The following PLEKHB2 variants were observed in gnomAD, a reference collection of about 807,000 sequenced individuals.
The protein encoded by PLEKHB2 is pleckstrin homology domain-containing family B member 2.
In PLEKHB2, 31 loss-of-function variants were observed where a neutral mutation model predicts 36.5. That is an observed-to-expected ratio of 0.85 (90% CI 0.64 to 1.15). PLEKHB2 has a LOEUF of 1.15. Among genes scored for constraint, PLEKHB2 ranks in the 50% most tolerant of loss-of-function variants. The probability of loss-of-function intolerance (pLI) is 0.00; values close to 1 mark genes in which losing one functional copy is unlikely to be tolerated. For missense variants in PLEKHB2, 262 were observed against 295.3 expected, an observed-to-expected ratio of 0.89 and a Z score of 0.83; for synonymous variants, 119 against 112.0, an observed-to-expected ratio of 1.06 and a Z score of -0.39.
intron 7 of PLEKHB2, among the ~76,000 whole-genome samples, 176 bp from the exon 8 acceptor site, chr2:131,146,461 C>T (rs1205857867): frequency 6.6e-6 from 1 of 152,104 alleles, no homozygotes; most frequent in Non-Finnish European, 1.5e-5. Flanking sequence ...TGGTTTCCTC[C>T]CAGTGTGCGG....
intron 6 of PLEKHB2, among the ~76,000 whole-genome samples, chr2:131,134,245 G>C (rs1698012317): frequency 6.6e-6 from 1 of 151,946 alleles, no homozygotes; most frequent in African/African-American, 2.4e-5. Flanking sequence ...GGAGTGCAGT[G>C]GCACGATCTC....
chr2:131,109,604 C>T (rs1429060300), intron 1 of PLEKHB2, among the ~76,000 whole-genome samples: 2 of 151,348 alleles, frequency 1.3e-5, no homozygotes, highest in Non-Finnish European at 2.9e-5. Flanking sequence ...GCAGGAGAAT[C>T]GCTTGAACCT....
chr2:131,120,664 G>A, intron 1 of PLEKHB2: 2 of 522,422 alleles, frequency 3.8e-6, no homozygotes. Flanking sequence ...CCCTGGGGCT[G>A]CTTTATGTTT....
At chr2:131,137,585 T>C (rs1168454242) in intron 6 of PLEKHB2, among the ~76,000 whole-genome samples, 1 of 152,246 alleles carries the variant, frequency 6.6e-6, no homozygotes, top group East Asian at 1.9e-4. Flanking sequence ...TTGTGATGTC[T>C]GCAGAGTCTA....
intron 5 of PLEKHB2, among the ~76,000 whole-genome samples, chr2:131,131,592 A>G (rs1480309781): frequency 6.6e-6 from 1 of 152,180 alleles, no homozygotes; most frequent in Non-Finnish European, 1.5e-5. Context: ...CTGTAAGAAA[A>G]GAAGAAGGTG....
rs1699359892 is a variant in PLEKHB2 at position 131,147,162 on chromosome 2, T to C, written c.*389T>C. On this transcript the variant is annotated 3_prime_UTR_variant, in exon 8 of 8. Coordinates refer to ENST00000693505, the MANE Select transcript of PLEKHB2 (RefSeq NM_001100623.2). ...ATTGAGTGATTGTGGCAAGAAAAGC[T>C]ACAGCTTCTTTGCGTTTAACTTTTT... 6.5e-6 allele frequency: 1 copy of C among 154,646 alleles called. No individual in the cohort carries two copies. The highest frequency in any genetic ancestry group is 1.4e-5 in the Non-Finnish European group (1 of 69,732). 9.6% of individuals were successfully genotyped at this position (154,646 alleles called of 1,614,324 possible). A position where few individuals can be genotyped will look rare whatever the true frequency, so the allele number is the denominator to read the frequency against.
In PLEKHB2 at chr2:131,142,266, A is replaced by C. The variant is rs1698864693; in HGVS notation, c.532+1991A>C. ...TCAATGTTATAATGAAACTACATTA[A>C]ATGAAACAGTGTTATTTGAGGACCT... is the stretch of plus-strand genomic sequence containing the variant. On this transcript the variant is annotated intron_variant, in intron 7 of 7. Transcript: ENST00000693505. Among the ~76,000 whole-genome samples, 5 of 152,360 alleles carry C rather than the reference A, an allele frequency of 3.3e-5. No homozygotes were observed. The South Asian group carries it at 1.0e-3, about 32-fold the overall frequency.
Position 131,132,228 on chromosome 2 carries a change from CTT to C in PLEKHB2, c.334-673_334-672del, listed in dbSNP as rs954473984. Among the ~76,000 whole-genome samples the C allele has an allele frequency of 7.2e-5, 11 of 152,022 alleles. No homozygotes were observed. The East Asian group carries it at 1.2e-3, about 16-fold the overall frequency. On this transcript the variant is annotated intron_variant, in intron 5 of 7. Transcript: ENST00000693505. The stretch of plus-strand genomic sequence containing the variant: ...TTTGTTTTTTAAGGTAAAAAACAGA[CTT>C]ATGTATAGGACATATCTCTTGATAC...
intron 1 of PLEKHB2, among the ~76,000 whole-genome samples, chr2:131,117,465 A>G (rs1174870650): frequency 6.6e-6 from 1 of 152,194 alleles, no homozygotes; most frequent in Non-Finnish European, 1.5e-5. Context: ...ACAGAAGTTC[A>G]GGAGACTCCT....
chr2:131,119,410 G>A (rs893159844), intron 1 of PLEKHB2, among the ~76,000 whole-genome samples: 23 of 152,214 alleles, frequency 1.5e-4, no homozygotes, highest in African/African-American at 5.5e-4. Flanking sequence ...CCTCCCAGGA[G>A]GCAGCCTGCA....
intron 2 of PLEKHB2, among the ~76,000 whole-genome samples, chr2:131,122,486 C>T (rs953842911): frequency 3.9e-5 from 6 of 152,138 alleles, no homozygotes; most frequent in South Asian, 2.1e-4. Context: ...CTATTGTTTA[C>T]GAATTGTTTG....
At chr2:131,146,543 C>T (rs1699301042) in intron 7 of PLEKHB2, 94 bp from the exon 8 acceptor site, 1 of 1,322,692 alleles carries the variant, frequency 7.6e-7, no homozygotes, top group Non-Finnish European at 1.0e-6. Context: ...CAGGAGACAG[C>T]AGATCCCTTT....
chr2:131,138,904 G>A (rs1304215100), intron 6 of PLEKHB2, among the ~76,000 whole-genome samples: 1 of 152,128 alleles, frequency 6.6e-6, no homozygotes, highest in African/African-American at 2.4e-5. Context: ...TCCATCTGGT[G>A]GGGAAGAAAT....
intron 7 of PLEKHB2, chr2:131,144,549 A>C (rs1699096543): frequency 4.5e-6 from 2 of 448,530 alleles, no homozygotes; most frequent in African/African-American, 4.0e-5. Flanking sequence ...GTAATTTGTA[A>C]AAGTAACCTT....
intron 1 of PLEKHB2, among the ~76,000 whole-genome samples, chr2:131,115,397 A>G (rs1369127471): frequency 1.7e-5 from 2 of 115,364 alleles, no homozygotes; most frequent in Non-Finnish European, 3.2e-5. Flanking sequence ...CTCTTTTGCC[A>G]GGCTAGAGTG....
chr2:131,141,735 A>G (rs1233091367), intron 7 of PLEKHB2, among the ~76,000 whole-genome samples: 1 of 152,190 alleles, frequency 6.6e-6, no homozygotes, highest in Non-Finnish European at 1.5e-5. Flanking sequence ...AATTACAGTA[A>G]GTCCTCACTT....
At position 131,146,972 on chromosome 2, in the gene PLEKHB2, A is replaced by C; in HGVS notation, c.*199A>C. 2 of 430,850 alleles carry C rather than the reference A, an allele frequency of 4.6e-6. No individual in the cohort carries two copies. Among genetic ancestry groups the C allele is most frequent in the South Asian group, 5.8e-5 (1 of 17,120 alleles). 26.7% of individuals were successfully genotyped at this position (430,850 alleles called of 1,614,324 possible). A position where few individuals can be genotyped will look rare whatever the true frequency, so the allele number is the denominator to read the frequency against. The stretch of plus-strand genomic sequence containing the variant: ...ACTGTGCTATTTTGTTCAAATGTTG[A>C]CTCTCCGGGGGCACTGGCTCATTCC... On this transcript the variant is annotated 3_prime_UTR_variant, in exon 8 of 8. Transcript: ENST00000693505.
chr2:131,128,501 T>G (rs951341405), intron 4 of PLEKHB2, among the ~76,000 whole-genome samples: 15 of 152,224 alleles, frequency 9.9e-5, no homozygotes, highest in African/African-American at 3.6e-4. Flanking sequence ...ATCAACTATT[T>G]ATCTTGTTCA....
chr2:131,108,988 T>C (rs1284853503), intron 1 of PLEKHB2, among the ~76,000 whole-genome samples: 4 of 152,112 alleles, frequency 2.6e-5, no homozygotes, highest in East Asian at 3.9e-4. Context: ...TGAACATAGG[T>C]CTTTTAACTC....
Sources: allele counts gnomAD v4.1 joint callset (sites outside exome capture counted in the v4.1 genomes callset), GRCh38; gene constraint gnomAD v4.1.1; transcripts MANE v1.5; gene names NCBI Gene and HGNC (gene_info 2026-07-23, HGNC 2026-07-21).